The following CDH12 variants were observed in gnomAD, a reference collection of about 807,000 sequenced individuals.
The protein encoded by CDH12 is cadherin 12, also known as cadherin-12.
Under a neutral mutation model 74.1 loss-of-function variants are expected in CDH12, and 41 were observed. That is an observed-to-expected ratio of 0.55 (90% CI 0.43 to 0.72). The LOEUF (loss-of-function observed/expected upper bound fraction) is 0.72, where lower values mean the gene tolerates loss of function less well. CDH12 is among the 30% of genes least tolerant of loss of function. The pLI, the probability that CDH12 is intolerant of heterozygous loss-of-function variation, is 0.00. For missense variants in CDH12, 945 were observed against 977.2 expected (o/e 0.97, Z 0.44); for synonymous variants, 399 against 355.0 (o/e 1.12, Z -1.39).
In CDH12 at chr5:22,715,458, A is replaced by C. The variant is rs114398770; in HGVS notation, c.-523+137600T>G. ...TTATTGTGCTGCTACTCAGTACCAAATACTGTGATTGATGTTTGAGCAGCA... is the reference window on the plus strand; with the variant it reads ...TTATTGTGCTGCTACTCAGTACCAACTACTGTGATTGATGTTTGAGCAGCA... On this transcript the variant is annotated intron_variant, in intron 1 of 14. Coordinates refer to ENST00000382254, the MANE Select transcript of CDH12 (RefSeq NM_004061.5). 3.5e-3 allele frequency among the ~76,000 whole-genome samples: 539 copies of C among 152,274 alleles called. 2 individuals are homozygous for C. Among genetic ancestry groups the C allele is most frequent in the Non-Finnish European group, 5.2e-3 (355 of 68,012 alleles).
intron 3 of CDH12, among the ~76,000 whole-genome samples, chr5:22,343,131 A>C (rs1739947896): frequency 6.6e-6 from 1 of 152,022 alleles, no homozygotes; most frequent in Admixed American, 6.6e-5. Flanking sequence ...CTGGGATTAC[A>C]GGCCTAAGCC....
intron 1 of CDH12, among the ~76,000 whole-genome samples, chr5:22,539,962 G>A (rs1738027012): frequency 6.6e-6 from 1 of 152,072 alleles, no homozygotes; most frequent in Non-Finnish European, 1.5e-5. Flanking sequence ...TTACTCTCTT[G>A]GCATGGATCT....
At chr5:22,778,054 C>T (rs1036854605) in intron 1 of CDH12, among the ~76,000 whole-genome samples, 3 of 152,168 alleles carry the variant, frequency 2.0e-5, no homozygotes, top group Non-Finnish European at 4.4e-5. Context: ...ATCAGCCCAC[C>T]TCAGCCTCCC....
chr5:22,538,994 C>T (rs930311763), intron 1 of CDH12, among the ~76,000 whole-genome samples: 1 of 152,310 alleles, frequency 6.6e-6, no homozygotes, highest in East Asian at 1.9e-4. Flanking sequence ...CTCCTGGGCT[C>T]AAGTGATCCT....
intron 6 of CDH12, among the ~76,000 whole-genome samples, chr5:21,900,397 G>A (rs1312892207): frequency 6.6e-6 from 1 of 152,078 alleles, no homozygotes; most frequent in African/African-American, 2.4e-5. Context: ...ATATATGACA[G>A]GTATGTAGTA....
At chr5:22,717,111 T>C (rs1743616994) in intron 1 of CDH12, among the ~76,000 whole-genome samples, 1 of 152,246 alleles carries the variant, frequency 6.6e-6, no homozygotes, top group East Asian at 1.9e-4. Flanking sequence ...CCAAGCAGTG[T>C]TGATAAAGTC....
chr5:22,744,407 C>A (rs982860394), intron 1 of CDH12, among the ~76,000 whole-genome samples: 2 of 150,156 alleles, frequency 1.3e-5, no homozygotes, highest in Admixed American at 1.3e-4. Flanking sequence ...CCAGCCTGGG[C>A]GACAGAGTGA....
rs1173088597 is a variant in CDH12 at position 22,086,753 on chromosome 5, T to TA, written c.-186-7892dup. ...CTACAAGCCAAGAAAAAAAAAATGT[T>TA]AAAAAAAAAAGAAACTCAACATGGG... is the stretch of plus-strand genomic sequence containing the variant. On this transcript the variant is annotated intron_variant, in intron 4 of 14. Transcript: ENST00000382254. 6.7e-3 allele frequency among the ~76,000 whole-genome samples: 999 copies of TA among 149,170 alleles called. 12 individuals are homozygous for TA. The highest frequency in any genetic ancestry group is 0.022 in the African/African-American group (911 of 40,712).
At chr5:22,554,707 T>G (rs1482417550) in intron 1 of CDH12, among the ~76,000 whole-genome samples, 2 of 152,052 alleles carry the variant, frequency 1.3e-5, no homozygotes, top group Non-Finnish European at 2.9e-5. Context: ...TGTAATGATA[T>G]CTGCTAGCAT....
chr5:22,055,661 C>T (rs748092307), intron 5 of CDH12, among the ~76,000 whole-genome samples: 7 of 151,498 alleles, frequency 4.6e-5, no homozygotes, highest in Non-Finnish European at 7.4e-5. Flanking sequence ...ATTACTTGAT[C>T]AAAAAAATTC....
chr5:21,842,454 G>T, intron 7 of CDH12, 126 bp from the exon 8 acceptor site: 2 of 614,104 alleles, frequency 3.3e-6, no homozygotes, highest in Non-Finnish European at 5.4e-6. Context: ...AGCTAAAATT[G>T]TATCTTTTAA....
chr5:22,304,306 T>C (rs904013884), intron 3 of CDH12, among the ~76,000 whole-genome samples: 1 of 152,162 alleles, frequency 6.6e-6, no homozygotes, highest in African/African-American at 2.4e-5. Context: ...TCACTAGATA[T>C]GAGACAACAT....
chr5:22,238,199 C>A (rs554508747), intron 3 of CDH12, among the ~76,000 whole-genome samples: 3 of 152,138 alleles, frequency 2.0e-5, no homozygotes, highest in Non-Finnish European at 4.4e-5. Context: ...CCTGCTATAA[C>A]GGAGAAGAGC....
intron 6 of CDH12, among the ~76,000 whole-genome samples, chr5:21,896,575 G>C (rs1396270930): frequency 6.6e-6 from 1 of 152,168 alleles, no homozygotes; most frequent in African/African-American, 2.4e-5. Flanking sequence ...GAGAGACCGA[G>C]TGTTGTGTCC....
At chr5:22,503,400 T>A (rs1046969494) in intron 2 of CDH12, among the ~76,000 whole-genome samples, 1 of 152,098 alleles carries the variant, frequency 6.6e-6, no homozygotes, top group Non-Finnish European at 1.5e-5. Flanking sequence ...TCTTTCTTAA[T>A]AAAGAAATGT....
At chr5:22,793,305 G>A (rs1052572139) in intron 1 of CDH12, among the ~76,000 whole-genome samples, 2 of 152,052 alleles carry the variant, frequency 1.3e-5, no homozygotes, top group Admixed American at 6.5e-5. Context: ...ACTCTTTGTT[G>A]TCCAAATATT....
At chr5:21,894,936 A>T (rs964247264) in intron 6 of CDH12, among the ~76,000 whole-genome samples, 1 of 152,140 alleles carries the variant, frequency 6.6e-6, no homozygotes, top group African/African-American at 2.4e-5. Flanking sequence ...TGCTCAAGTC[A>T]ATTAAAATGT....
At chr5:22,386,423 C>T (rs1276802721) in intron 3 of CDH12, among the ~76,000 whole-genome samples, 3 of 152,160 alleles carry the variant, frequency 2.0e-5, no homozygotes, top group Non-Finnish European at 4.4e-5. Context: ...ACTAAGACAT[C>T]CTGGTGCTTA....
chr5:22,814,716 C>T (rs906142374), intron 1 of CDH12, among the ~76,000 whole-genome samples: 3 of 152,052 alleles, frequency 2.0e-5, no homozygotes, highest in African/African-American at 7.2e-5. Flanking sequence ...GTTTTCGGAA[C>T]ATAGCTATTA....
Sources: gnomAD v4.1 joint callset for allele counts (sites outside exome capture counted in the v4.1 genomes callset) on GRCh38, gnomAD v4.1.1 for gene constraint, MANE v1.5 for transcripts, NCBI Gene and HGNC (gene_info 2026-07-23, HGNC 2026-07-21) for gene names.